Variants in EME2 observed in about 807,000 individuals in gnomAD.
EME2 encodes the protein essential meiotic structure-specific endonuclease subunit 2.
A neutral mutation model predicts 41.9 loss-of-function variants in EME2; 58 were observed. The ratio of observed to expected loss-of-function variants is 1.38; its 90% CI spans 1.12 to 1.72. The LOEUF (loss-of-function observed/expected upper bound fraction) is 1.72. Among genes scored for constraint, EME2 ranks in the 40% most tolerant of loss-of-function variants. The pLI, the probability that EME2 is intolerant of heterozygous loss-of-function variation, is 0.00. For missense variants in EME2, 695 were observed against 541.9 expected (o/e 1.28, Z -2.81); for synonymous variants, 334 against 239.3 (o/e 1.40, Z -3.65).
Position 1,772,915 on chromosome 16 carries a change from C to G in EME2, c.-313C>G, listed in dbSNP as rs765217192. On this transcript the variant is annotated 5_prime_UTR_variant, in exon 1 of 8. Coordinates refer to ENST00000568449, the MANE Select transcript of EME2 (RefSeq NM_001257370.2). Reference sequence around the variant, plus strand: ...CCCAGGCCGAAGAGCGGGAGGCGGCCGAGCAGCTGCAAGAGGCGGCTCTCG... The same window carrying G: ...CCCAGGCCGAAGAGCGGGAGGCGGCGGAGCAGCTGCAAGAGGCGGCTCTCG... 6.9e-7 allele frequency: 1 copy of G among 1,447,400 alleles called. No individual in the cohort carries two copies. Among genetic ancestry groups the G allele is most frequent in the African/African-American group, 1.5e-5 (1 of 67,434 alleles). 89.7% of individuals were successfully genotyped at this position (1,447,400 alleles called of 1,614,324 possible).
rs1271938508 is a variant in EME2 at position 1,777,086 on chromosome 16, T to C, written c.*848T>C. 1 of 1,608,448 alleles carries C rather than the reference T, an allele frequency of 6.2e-7. No individual in the cohort carries two copies. The highest frequency in any genetic ancestry group is 1.1e-5 in the South Asian group (1 of 90,814). The stretch of plus-strand genomic sequence containing the variant: ...TCCCAGCCCAAGAAGGCAGTTCCAC[T>C]GGGAAGTCAGTCAGGTCCGGCGGCA... On this transcript the variant is annotated 3_prime_UTR_variant, in exon 8 of 8. Coordinates refer to ENST00000568449, the MANE Select transcript of EME2 (RefSeq NM_001257370.2).
Position 1,777,340 on chromosome 16 carries a change from A to G in EME2, c.*1102A>G. On this transcript the variant is annotated 3_prime_UTR_variant, in exon 8 of 8. Transcript: ENST00000568449. ...GGTGGCAGCACAGGTACTGGAGGGA[A>G]GTGGCGCTGGCACAGGAGCGGGTGA... 2 of 1,608,344 alleles carry G rather than the reference A, an allele frequency of 1.2e-6. No homozygotes were observed. Among genetic ancestry groups the G allele is most frequent in the Non-Finnish European group, 1.7e-6 (2 of 1,179,128 alleles).
Position 1,775,678 on chromosome 16 carries a change from C to T in EME2, c.773C>T (p.Pro258Leu), listed in dbSNP as rs1239518897. 1 of 1,612,924 alleles carries T rather than the reference C, an allele frequency of 6.2e-7. No homozygotes were observed. Among genetic ancestry groups the T allele is most frequent in the Non-Finnish European group, 8.5e-7 (1 of 1,180,020 alleles). The change falls in exon 6 of 8, where the codon CCC becomes CTC. Residue 258 changes from proline to leucine, a missense_variant. Pro to Leu is a moderately conservative substitution (Grantham distance 98). Transcript: ENST00000568449. ...CAVTKALAQY[P>L]LKQYRESQAF... ...GTTACCAAGGCTCTCGCCCAGTATC[C>T]CCTCAAGTGCGTGATGCCAAGGCTG...
At position 1,772,898 on chromosome 16, in the gene EME2, G is replaced by A. The variant is rs1207192286; in HGVS notation, c.-330G>A. ...TGCGCGTGACCAGGCGGCCCAGGCCGAAGAGCGGGAGGCGGCCGAGCAGCT... is the reference window on the plus strand; with the variant it reads ...TGCGCGTGACCAGGCGGCCCAGGCCAAAGAGCGGGAGGCGGCCGAGCAGCT... On this transcript the variant is annotated 5_prime_UTR_variant, in exon 1 of 8. Transcript: ENST00000568449. The A allele has an allele frequency of 2.8e-6, 4 of 1,452,188 alleles. No homozygotes were observed. Among genetic ancestry groups the A allele is most frequent in the Non-Finnish European group, 3.6e-6 (4 of 1,109,368 alleles). The allele number at this position is 1,452,188 out of a possible 1,614,324, so 90.0% of individuals were successfully genotyped here.
Position 1,781,118 on chromosome 16 carries a change from G to T in EME2, c.*4880G>T. ...TGTGTTTCAGAGGAGAAAGCACAGT[G>T]AAGAATGCAGTGTGTTCTGAGGTCC... On this transcript the variant is annotated 3_prime_UTR_variant, in exon 8 of 8. Transcript: ENST00000568449. 2.8e-6 allele frequency: 4 copies of T among 1,447,758 alleles called. No individual in the cohort carries two copies. Among genetic ancestry groups the T allele is most frequent in the Admixed American group, 2.1e-5 (1 of 48,566 alleles). The allele number at this position is 1,447,758 out of a possible 1,614,324, so 89.7% of individuals were successfully genotyped here.
At position 1,773,072 on chromosome 16, in the gene EME2, G is replaced by A. The variant is rs908269410; in HGVS notation, c.-156G>A. 3 of 1,416,488 alleles carry A rather than the reference G, an allele frequency of 2.1e-6. No homozygotes were observed. In the African/African-American group the frequency reaches 4.5e-5, roughly 21 times the overall value. 87.7% of individuals were successfully genotyped at this position (1,416,488 alleles called of 1,614,324 possible). On this transcript the variant is annotated 5_prime_UTR_variant, in exon 1 of 8. Transcript: ENST00000568449. Reference sequence around the variant, plus strand: ...GTTGCTCCCGCAGGGCGCGCACGCGGCGGGCCAGCTCCGCGATCAGCCGCG... The same window carrying A: ...GTTGCTCCCGCAGGGCGCGCACGCGACGGGCCAGCTCCGCGATCAGCCGCG...
At chr16:1,775,289 G>T in intron 4 of EME2, 26 bp from the exon 5 acceptor site, 1 of 1,608,042 alleles carries the variant, frequency 6.2e-7, no homozygotes, top group Non-Finnish European at 8.5e-7. Flanking sequence ...CATGGGGAGC[G>T]GGGAGGAATG....
chr16:1,777,890 CGCAGTGA>C lies in EME2; in HGVS notation c.*1655_*1661del. 6.2e-7 allele frequency: 1 copy of C among 1,611,876 alleles called. No individual in the cohort carries two copies. The highest frequency in any genetic ancestry group is 8.5e-7 in the Non-Finnish European group (1 of 1,179,626). On this transcript the variant is annotated 3_prime_UTR_variant, in exon 8 of 8. Transcript: ENST00000568449. ...GAGGAGGCCTGGGGGCAGCCAGGGT[CGCAGTGA>C]GCCCGGGAGCTCCAGGCTCGGCCCC...
At chr16:1,774,784 C>G (rs1026044496) in intron 3 of EME2, among the ~76,000 whole-genome samples, 2 of 152,250 alleles carry the variant, frequency 1.3e-5, no homozygotes, top group African/African-American at 2.4e-5. Flanking sequence ...GGCTGGAGTA[C>G]AGAGGTGGAC....
intron 6 of EME2, 36 bp downstream of exon 6, chr16:1,775,720 C>T: frequency 1.9e-6 from 3 of 1,612,734 alleles, no homozygotes; most frequent in South Asian, 2.2e-5. Flanking sequence ...GGCAGGATCA[C>T]CTCAAGGTAG....
In EME2 at chr16:1,781,595, G is replaced by C. The variant is rs1896714614; in HGVS notation, c.*5357G>C. Reference sequence around the variant, plus strand: ...GGACCCACTCAAAGTGGGGACTGCAGGGGCCGCACCGGTGCCCAGCCAGGG... The same window carrying C: ...GGACCCACTCAAAGTGGGGACTGCACGGGCCGCACCGGTGCCCAGCCAGGG... On this transcript the variant is annotated 3_prime_UTR_variant, in exon 8 of 8. Transcript: ENST00000568449. The C allele has an allele frequency of 8.2e-6, 11 of 1,333,844 alleles. No individual in the cohort carries two copies. The highest frequency in any genetic ancestry group is 1.1e-5 in the Non-Finnish European group (11 of 977,744). The allele number at this position is 1,333,844 out of a possible 1,614,324, so 82.6% of individuals were successfully genotyped here.
At chr16:1,775,016 CTG>C in intron 3 of EME2, 23 bp from the exon 4 acceptor site, 1 of 1,588,292 alleles carries the variant, frequency 6.3e-7, no homozygotes, top group Non-Finnish European at 8.6e-7. Context: ...CTGTGAACAA[CTG>C]TGCCACACGT....
At chr16:1,774,688 G>A (rs754109074) in intron 3 of EME2, among the ~76,000 whole-genome samples, 4 of 152,258 alleles carry the variant, frequency 2.6e-5, no homozygotes, top group South Asian at 2.1e-4. Flanking sequence ...GCCAGGTAGC[G>A]TGGGGTTAGG....
At position 1,775,851 on chromosome 16, in the gene EME2, CGGCGAGCCAGTGGCAAGAGACGGCGCAG is replaced by C. The variant is rs1567228280; in HGVS notation, c.838_865del (p.Glu280CysfsTer78). The C allele has an allele frequency of 6.2e-7, 1 of 1,609,692 alleles. No individual in the cohort carries two copies. Among genetic ancestry groups the C allele is most frequent in the South Asian group, 1.1e-5 (1 of 90,968 alleles). On this transcript the variant is annotated frameshift_variant, in exon 7 of 8. Coordinates refer to ENST00000568449, the MANE Select transcript of EME2 (RefSeq NM_001257370.2). LOFTEE classifies it high-confidence loss of function. ...TCTGCACAGCAGGGCGCTGGGCAGCCGGCGAGCCAGTGGCAAGAGACGGCGCAGGGCTGCAGGCGGCCTGGCGGAGGCA... is the reference window on the plus strand; with the variant it reads ...TCTGCACAGCAGGGCGCTGGGCAGCCGGCTGCAGGCGGCCTGGCGGAGGCA...
chr16:1,777,954 G>A lies in EME2; in HGVS notation c.*1716G>A. 6.2e-7 allele frequency: 1 copy of A among 1,612,788 alleles called. No homozygotes were observed. The highest frequency in any genetic ancestry group is 2.2e-5 in the East Asian group (1 of 44,870). On this transcript the variant is annotated 3_prime_UTR_variant, in exon 8 of 8. Coordinates refer to ENST00000568449, the MANE Select transcript of EME2 (RefSeq NM_001257370.2). ...CCCTGGGCCTCACGCACCCGTGTAGGAGAGGCCCCAGCTGTCCTCATCCCT... is the reference window on the plus strand; with the variant it reads ...CCCTGGGCCTCACGCACCCGTGTAGAAGAGGCCCCAGCTGTCCTCATCCCT...
In EME2 at chr16:1,778,101, TC is replaced by T. The variant is rs1567230066; in HGVS notation, c.*1867del. The T allele has an allele frequency of 1.2e-6, 2 of 1,612,846 alleles. No individual in the cohort carries two copies. Among genetic ancestry groups the T allele is most frequent in the Admixed American group, 1.7e-5 (1 of 59,998 alleles). On this transcript the variant is annotated 3_prime_UTR_variant, in exon 8 of 8. Transcript: ENST00000568449. ...CGGGGCTGGGCTGCCGGAGCCAGGT[TC>T]CCCAGAAGCACCCTGGGCCGAAGCA...
In EME2 at chr16:1,775,813, C is replaced by A. The variant is rs143404253; in HGVS notation, c.796C>A (p.Gln266Lys). 1.1e-5 allele frequency: 17 copies of A among 1,612,544 alleles called. No homozygotes were observed. The highest frequency in any genetic ancestry group is 1.4e-5 in the Non-Finnish European group (17 of 1,179,798). ...TGTCCCCAGGCAGTACCGGGAATCC[C>A]AGGCCTTCTCCTTCTGCACAGCAGG... Reference protein sequence around the residue: ...QYPLKQYRESQAFSFCTAGRW... With the variant: ...QYPLKQYRESKAFSFCTAGRW... Residue 266 changes from glutamine to lysine, a missense_variant, in exon 7 of 8, where the codon CAG becomes AAG. Transcript: ENST00000568449.
chr16:1,777,118 C>T lies in EME2; in HGVS notation c.*880C>T, dbSNP rs200184894. The T allele has an allele frequency of 2.4e-4, 394 of 1,611,200 alleles. 1 individual carries two copies. The East Asian group carries it at 7.6e-3, about 31-fold the overall frequency. Reference sequence around the variant, plus strand: ...TCAGTCAGGTCCGGCGGCAGCGCTTCCTCTGGCAGGGCCGAGGCTCGCGAC... The same window carrying T: ...TCAGTCAGGTCCGGCGGCAGCGCTTTCTCTGGCAGGGCCGAGGCTCGCGAC... On this transcript the variant is annotated 3_prime_UTR_variant, in exon 8 of 8. Coordinates refer to ENST00000568449, the MANE Select transcript of EME2 (RefSeq NM_001257370.2).
Position 1,776,171 on chromosome 16 carries a change from T to C in EME2, c.1073T>C (p.Leu358Pro), listed in dbSNP as rs2042710071. The change falls in exon 8 of 8, where the codon CTC becomes CCC. Residue 358 changes from leucine (L) to proline (P), a missense_variant. Transcript: ENST00000568449. The part of the protein sequence containing the change: ...GGRPRRVGPD[L>P]SRRICLFLTT... ...CGTCCCCGCAGGGTGGGGCCTGACC[T>C]CTCCCGCCGCATCTGCCTCTTCCTG... 2 of 1,612,376 alleles carry C rather than the reference T, an allele frequency of 1.2e-6. No homozygotes were observed. Among genetic ancestry groups the C allele is most frequent in the Admixed American group, 3.3e-5 (2 of 60,008 alleles).
Sources: gnomAD v4.1 joint callset for allele counts (sites outside exome capture counted in the v4.1 genomes callset) on GRCh38, gnomAD v4.1.1 for gene constraint, MANE v1.5 for transcripts, NCBI Gene and HGNC (gene_info 2026-07-23, HGNC 2026-07-21) for gene names.